The following CCSER1 variants were observed in gnomAD, a reference collection of about 807,000 sequenced individuals.
The protein encoded by CCSER1 is serine-rich coiled-coil domain-containing protein 1.
A neutral mutation model predicts 82.0 loss-of-function variants in CCSER1; 41 were observed. That is an observed-to-expected ratio of 0.50 (90% CI 0.39 to 0.65). The LOEUF (loss-of-function observed/expected upper bound fraction) is 0.65. CCSER1 is among the 30% of genes least tolerant of loss of function. CCSER1 has a pLI of 0.00. For synonymous variants in CCSER1, 414 were observed against 383.9 expected (o/e 1.08, Z -0.92); for missense variants, 1,119 against 1,064.2 (o/e 1.05, Z -0.72).
chr4:91,382,874 G>T (rs1239938562), intron 10 of CCSER1, among the ~76,000 whole-genome samples: 3 of 151,992 alleles, frequency 2.0e-5, no homozygotes, highest in Non-Finnish European at 4.4e-5. Flanking sequence ...TTTTAAGAAT[G>T]GCCCACAGCC....
chr4:90,561,583 C>A (rs1166255078), intron 5 of CCSER1, among the ~76,000 whole-genome samples: 2 of 152,058 alleles, frequency 1.3e-5, no homozygotes, highest in Non-Finnish European at 2.9e-5. Flanking sequence ...TGTTAAGGAG[C>A]AATTGATTTT....
At chr4:91,119,477 C>T (rs1182533006) in intron 10 of CCSER1, among the ~76,000 whole-genome samples, 1 of 151,900 alleles carries the variant, frequency 6.6e-6, no homozygotes, top group African/African-American at 2.4e-5. Context: ...ATTCTCATAA[C>T]TTCTATATAC....
At chr4:90,185,137 G>A (rs778599606) in intron 1 of CCSER1, among the ~76,000 whole-genome samples, 2 of 151,992 alleles carry the variant, frequency 1.3e-5, no homozygotes, top group Non-Finnish European at 2.9e-5. Flanking sequence ...AGCATGAGAA[G>A]GTACATTCAC....
intron 1 of CCSER1, among the ~76,000 whole-genome samples, chr4:90,294,532 A>G (rs1278259692): frequency 1.3e-5 from 2 of 152,052 alleles, no homozygotes; most frequent in African/African-American, 2.4e-5. Context: ...GCATTTTCTG[A>G]TATGTCCAAT....
chr4:90,830,230 ATAT>A (rs1760965324), intron 8 of CCSER1, among the ~76,000 whole-genome samples: 1 of 152,192 alleles, frequency 6.6e-6, no homozygotes. Flanking sequence ...CTATGTGTCA[ATAT>A]TATGCTATGC....
intron 6 of CCSER1, among the ~76,000 whole-genome samples, chr4:90,710,584 G>T (rs543007929): frequency 6.6e-6 from 1 of 152,050 alleles, no homozygotes; most frequent in Non-Finnish European, 1.5e-5. Context: ...TATTAAGTAG[G>T]GAGTCCTTTC....
intron 10 of CCSER1, among the ~76,000 whole-genome samples, chr4:91,279,138 G>A (rs1399271370): frequency 6.6e-6 from 1 of 151,594 alleles, no homozygotes; most frequent in Middle Eastern, 3.4e-3. Flanking sequence ...GAAATCTGCT[G>A]TTAGTCTGAT....
At chr4:90,948,441 C>T (rs1206138787) in intron 9 of CCSER1, among the ~76,000 whole-genome samples, 1 of 151,608 alleles carries the variant, frequency 6.6e-6, no homozygotes, top group Admixed American at 6.6e-5. Context: ...TTCTTGTTCT[C>T]AATTTTTTTC....
intron 8 of CCSER1, among the ~76,000 whole-genome samples, chr4:90,868,165 CT>C (rs1211055476): frequency 2.0e-5 from 3 of 151,922 alleles, no homozygotes; most frequent in Non-Finnish European, 4.4e-5. Flanking sequence ...GTATATCCAT[CT>C]TCTCATGTGT....
At chr4:90,900,693 G>C (rs899236936) in intron 8 of CCSER1, among the ~76,000 whole-genome samples, 6 of 151,860 alleles carry the variant, frequency 4.0e-5, no homozygotes, top group Admixed American at 1.3e-4. Context: ...TGAATGTGTT[G>C]AGAATCTCTT....
At chr4:90,206,307 T>A (rs1023675607) in intron 1 of CCSER1, among the ~76,000 whole-genome samples, 21 of 152,184 alleles carry the variant, frequency 1.4e-4, no homozygotes, top group African/African-American at 5.1e-4. Context: ...CAATTTTAGA[T>A]CTTTCCCGCT....
intron 9 of CCSER1, among the ~76,000 whole-genome samples, chr4:91,014,141 T>G (rs1172161186): frequency 8.1e-6 from 1 of 123,790 alleles, no homozygotes; most frequent in East Asian, 2.9e-4. Context: ...GGATTTTACT[T>G]TATTTCTGCA....
At chr4:91,178,240 C>T (rs974640142) in intron 10 of CCSER1, among the ~76,000 whole-genome samples, 31 of 152,046 alleles carry the variant, frequency 2.0e-4, no homozygotes, top group Non-Finnish European at 3.7e-4. Context: ...ACTATGTGGT[C>T]GGTTTTGGAA....
At chr4:91,450,272 G>A (rs1424328318) in intron 10 of CCSER1, among the ~76,000 whole-genome samples, 1 of 151,900 alleles carries the variant, frequency 6.6e-6, no homozygotes, top group Non-Finnish European at 1.5e-5. Context: ...TAGAAACACA[G>A]AGCAGAGAAT....
chr4:90,987,694 C>T (rs547548274), intron 9 of CCSER1, among the ~76,000 whole-genome samples: 23 of 151,590 alleles, frequency 1.5e-4, no homozygotes, highest in Non-Finnish European at 2.8e-4. Context: ...TTATCTTTAG[C>T]ATTAGACTTA....
chr4:91,225,159 T>C (rs1738044350), intron 10 of CCSER1, among the ~76,000 whole-genome samples: 2 of 90,672 alleles, frequency 2.2e-5, no homozygotes, highest in South Asian at 7.5e-4. Context: ...AAATATGATA[T>C]ATATATGTGT....
At chr4:90,913,157 G>A (rs542312857) in intron 8 of CCSER1, among the ~76,000 whole-genome samples, 3 of 152,186 alleles carry the variant, frequency 2.0e-5, no homozygotes, top group African/African-American at 4.8e-5. Context: ...GATACTCCTC[G>A]AGAAGAGCTA....
chr4:90,872,082 G>C (rs1766591888), intron 8 of CCSER1, among the ~76,000 whole-genome samples: 1 of 151,564 alleles, frequency 6.6e-6, no homozygotes, highest in Non-Finnish European at 1.5e-5. Flanking sequence ...GTATCCTGTA[G>C]AGAGCAGATA....
intron 7 of CCSER1, among the ~76,000 whole-genome samples, chr4:90,749,615 A>G (rs1044045291): frequency 3.3e-5 from 5 of 152,082 alleles, no homozygotes; most frequent in Non-Finnish European, 7.4e-5. Flanking sequence ...TTGAATCTGT[A>G]AATTACCTTG....
Sources: allele counts gnomAD v4.1 joint callset (sites outside exome capture counted in the v4.1 genomes callset), GRCh38; gene constraint gnomAD v4.1.1; transcripts MANE v1.5; gene names NCBI Gene and HGNC (gene_info 2026-07-23, HGNC 2026-07-21).